The following CR1L variants were observed in gnomAD, a reference collection of about 807,000 sequenced individuals.
CR1L encodes complement component receptor 1-like protein.
CR1L carries 59 observed loss-of-function variants against 62.3 expected under a neutral mutation model. The observed-to-expected ratio is 0.95, with a 90% CI of 0.77 to 1.18. The LOEUF (loss-of-function observed/expected upper bound fraction) is 1.18, where lower values mean the gene tolerates loss of function less well. Ranked by LOEUF, CR1L falls within the 50% of genes most tolerant of loss-of-function variation. CR1L has a pLI of 0.00. For synonymous variants in CR1L, 279 were observed against 248.7 expected (o/e 1.12, Z -1.15); for missense variants, 700 against 702.8 (o/e 1.00, Z 0.04).
intron 1 of CR1L, chr1:207,652,735 A>G: frequency 1.2e-6 from 1 of 804,794 alleles, no homozygotes; most frequent in Non-Finnish European, 2.2e-6. Context: ...GCCCTGTTAT[A>G]GTAAATAAAC....
At chr1:207,667,151 A>G (rs955797430) in intron 1 of CR1L, among the ~76,000 whole-genome samples, 1 of 152,182 alleles carries the variant, frequency 6.6e-6, no homozygotes, top group Non-Finnish European at 1.5e-5. Flanking sequence ...AACAATGAAA[A>G]ACTTTCGCTG....
At chr1:207,659,363 G>C (rs570091232) in intron 1 of CR1L, among the ~76,000 whole-genome samples, 1 of 152,308 alleles carries the variant, frequency 6.6e-6, no homozygotes, top group East Asian at 1.9e-4. Context: ...CTGACCTTGG[G>C]GCAGGCTTGA....
rs545434837 is a variant in CR1L, at chr1:207,682,811, A to G, written c.378-1061A>G. ...GAGGGTCTCAGGTGAAGTAAAATAAATGTTATAAATTCTTCCAAATTTATG... is the reference window on the plus strand; with the variant it reads ...GAGGGTCTCAGGTGAAGTAAAATAAGTGTTATAAATTCTTCCAAATTTATG... On this transcript the variant is annotated intron_variant, in intron 3 of 11. Coordinates refer to ENST00000508064, the MANE Select transcript of CR1L (RefSeq NM_175710.2). Among the ~76,000 whole-genome samples, 14 of 152,320 alleles carry G rather than the reference A, an allele frequency of 9.2e-5. No homozygotes were observed. The South Asian group carries it at 2.9e-3, about 32-fold the overall frequency.
intron 10 of CR1L, among the ~76,000 whole-genome samples, 193 bp from the exon 11 acceptor site, chr1:207,717,271 G>C (rs184576779): frequency 3.3e-5 from 5 of 152,264 alleles, no homozygotes; most frequent in Admixed American, 2.0e-4. Flanking sequence ...TTTTGCAATA[G>C]ACTGTAATTT....
At chr1:207,722,637 C>A (rs545778008) in intron 11 of CR1L, among the ~76,000 whole-genome samples, 7 of 151,996 alleles carry the variant, frequency 4.6e-5, no homozygotes, top group African/African-American at 1.5e-4. Flanking sequence ...GATAAAGTAC[C>A]CTTTTTTTAA....
chr1:207,693,890 A>G (rs1323096874), intron 4 of CR1L, among the ~76,000 whole-genome samples: 3 of 152,096 alleles, frequency 2.0e-5, no homozygotes, highest in Admixed American at 2.0e-4. Context: ...CTACAGTTTT[A>G]TAAATATTCT....
At chr1:207,709,899 A>G (rs1027407471) in intron 10 of CR1L, among the ~76,000 whole-genome samples, 1 of 152,028 alleles carries the variant, frequency 6.6e-6, no homozygotes. Flanking sequence ...AAGTAATGTT[A>G]ACTACGAAGA....
At chr1:207,655,266 A>G (rs1389611267) in intron 1 of CR1L, 25 of 709,952 alleles carry the variant, frequency 3.5e-5, no homozygotes, top group South Asian at 7.9e-5. Context: ...TAAGCCCCCA[A>G]TATGTGAAAG....
At position 207,677,532 on chromosome 1, in the gene CR1L, A is replaced by C. The variant is rs1444869462; in HGVS notation, c.241A>C (p.Asn81His). 1 of 1,613,912 alleles carries C rather than the reference A, an allele frequency of 6.2e-7. No homozygotes were observed. Among genetic ancestry groups the C allele is most frequent in the Admixed American group, 1.7e-5 (1 of 60,022 alleles). ...ACCGTTTTCTATCATCTGCCTAAAAAACTCAGTCTGGACAAGTGCTAAGGA... is the reference window on the plus strand; with the variant it reads ...ACCGTTTTCTATCATCTGCCTAAAACACTCAGTCTGGACAAGTGCTAAGGA... ...GRPFSIICLK[N>H]SVWTSAKDKC... The change falls in exon 2 of 12, where the codon AAC (asparagine) becomes CAC (histidine). Residue 81 changes from asparagine (N) to histidine (H), a missense_variant. Asn to His is a moderately conservative substitution (Grantham distance 68, BLOSUM62 1). Coordinates refer to ENST00000508064, the MANE Select transcript of CR1L (RefSeq NM_175710.2).
intron 1 of CR1L, among the ~76,000 whole-genome samples, chr1:207,671,547 C>T (rs1053710070): frequency 1.3e-5 from 2 of 150,668 alleles, no homozygotes; most frequent in African/African-American, 5.0e-5. Flanking sequence ...AAACTTAGGG[C>T]AACTACTGAA....
In CR1L at chr1:207,676,487, ATGTTCCC is replaced by A. The variant is rs1321744842; in HGVS notation, c.98-900_98-894del. ...TGTGCATACGAGGGATCTAGGTTGC[ATGTTCCC>A]TATGAGAATCTAATGCCTGATGATC... On this transcript the variant is annotated intron_variant, in intron 1 of 11. Coordinates refer to ENST00000508064, the MANE Select transcript of CR1L (RefSeq NM_175710.2). 9.3e-4 allele frequency among the ~76,000 whole-genome samples: 141 copies of A among 152,270 alleles called. 1 individual carries two copies. Among genetic ancestry groups the A allele is most frequent in the African/African-American group, 3.2e-3 (133 of 41,542 alleles).
chr1:207,689,908 T>TAG (rs1407533893), intron 4 of CR1L, among the ~76,000 whole-genome samples: 1 of 152,098 alleles, frequency 6.6e-6, no homozygotes, highest in Admixed American at 6.5e-5. Context: ...TGCTATTTAT[T>TAG]ATATCCTCAG....
intron 1 of CR1L, among the ~76,000 whole-genome samples, chr1:207,663,541 C>T (rs911597507): frequency 6.6e-6 from 1 of 152,218 alleles, no homozygotes; most frequent in Admixed American, 6.5e-5. Context: ...TGCCATCTGT[C>T]ACCCCTTTCT....
chr1:207,699,080 G>C (rs1362780975), intron 7 of CR1L, 109 bp from the exon 8 acceptor site: 3 of 1,397,464 alleles, frequency 2.1e-6, no homozygotes, highest in Admixed American at 3.5e-5. Flanking sequence ...TCTGCCACCT[G>C]CTGGCCTCAG....
intron 3 of CR1L, among the ~76,000 whole-genome samples, chr1:207,682,985 TTTC>T (rs1363440225): frequency 1.5e-5 from 2 of 130,088 alleles, no homozygotes; most frequent in Non-Finnish European, 3.4e-5. Flanking sequence ...TCTTTCTTTC[TTTC>T]TTTTTTTCTT....
chr1:207,709,997 C>T (rs760435202), intron 10 of CR1L, among the ~76,000 whole-genome samples: 11 of 151,992 alleles, frequency 7.2e-5, no homozygotes, highest in South Asian at 2.1e-4. Flanking sequence ...TATTTACTTC[C>T]GGTAATTTGG....
chr1:207,699,608 A>C (rs1353512020), intron 8 of CR1L, among the ~76,000 whole-genome samples: 3 of 151,616 alleles, frequency 2.0e-5, no homozygotes, highest in Non-Finnish European at 4.4e-5. Context: ...TCCTTCCTTC[A>C]GTTCTTTTTT....
At chr1:207,663,359 C>T (rs1663456952) in intron 1 of CR1L, among the ~76,000 whole-genome samples, 2 of 152,230 alleles carry the variant, frequency 1.3e-5, no homozygotes, top group African/African-American at 2.4e-5. Context: ...GCCCCTCCCC[C>T]AGCCTCACTG....
chr1:207,661,052 G>A (rs561761709), intron 1 of CR1L, among the ~76,000 whole-genome samples: 5 of 152,300 alleles, frequency 3.3e-5, no homozygotes, highest in South Asian at 2.1e-4. Context: ...GCTGTGGAGC[G>A]CTTTACTTCC....
Sources: allele counts gnomAD v4.1 joint callset (sites outside exome capture counted in the v4.1 genomes callset), GRCh38; gene constraint gnomAD v4.1.1; transcripts MANE v1.5; gene names NCBI Gene and HGNC (gene_info 2026-07-23, HGNC 2026-07-21).